RYR2: variants seen among roughly 807,000 people sequenced by gnomAD.
RYR2 encodes cardiac muscle ryanodine receptor-calcium release channel.
RYR2 carries 227 observed loss-of-function variants against 601.1 expected under a neutral mutation model. The observed-to-expected ratio is 0.38, with a 90% confidence interval of 0.34 to 0.42. The LOEUF (loss-of-function observed/expected upper bound fraction) is 0.42. RYR2 is among the 10% of genes least tolerant of loss of function. The pLI, the probability that RYR2 is intolerant of heterozygous loss-of-function variation, is 1.00. For missense variants in RYR2, 4,646 were observed against 6,156.5 expected (o/e 0.75, Z 8.21); for synonymous variants, 2,223 against 2,175.1 (o/e 1.02, Z -0.61).
At chr1:237,760,188 A>AT (rs1183982829) in intron 83 of RYR2, among the ~76,000 whole-genome samples, 2 of 149,750 alleles carry the variant, frequency 1.3e-5, no homozygotes, top group African/African-American at 2.5e-5. Context: ...CTACAAAAAG[A>AT]TTAAAAAAAA....
intron 2 of RYR2, among the ~76,000 whole-genome samples, chr1:237,279,762 A>T (rs1437179296): frequency 6.6e-6 from 1 of 152,206 alleles, no homozygotes; most frequent in East Asian, 1.9e-4. Context: ...AGGGACATTC[A>T]TTAAAAAACA....
chr1:237,224,964 G>C (rs772243220), intron 1 of RYR2, among the ~76,000 whole-genome samples: 1 of 152,234 alleles, frequency 6.6e-6, no homozygotes. Context: ...AGTTGGCAGA[G>C]AGGGATTTGA....
chr1:237,272,238 T>C (rs1380797018), intron 2 of RYR2, among the ~76,000 whole-genome samples: 2 of 151,996 alleles, frequency 1.3e-5, no homozygotes, highest in Non-Finnish European at 2.9e-5. Flanking sequence ...TAGCTAACTA[T>C]GTAAAACTCC....
Position 237,500,780 on chromosome 1 carries a change from G to C in RYR2, c.2273G>C (p.Cys758Ser), listed in dbSNP as rs576266353. The change falls in exon 21 of 105, where the codon TGT becomes TCT. Residue 758 changes from cysteine (C) to serine (S), a missense_variant. This residue lies in a region of RYR2 where 1,807 missense variants were observed against 2,088.1 expected (regional missense o/e 0.87). Coordinates refer to ENST00000366574, the MANE Select transcript of RYR2 (RefSeq NM_001035.3). ...AGAACTGATGATGTCATCAGTTGCT[G>C]TTTAGATCTGAGTGCCCCAAGCATC... is the stretch of plus-strand genomic sequence containing the variant. ...LLRTDDVISC[C>S]LDLSAPSISF... 1.9e-6 allele frequency: 3 copies of C among 1,613,976 alleles called. No homozygotes were observed. In the East Asian group the frequency reaches 6.7e-5, roughly 36 times the overall value.
chr1:237,274,226 TG>T (rs1227357757), intron 2 of RYR2, among the ~76,000 whole-genome samples: 2 of 151,164 alleles, frequency 1.3e-5, no homozygotes, highest in Non-Finnish European at 2.9e-5. Flanking sequence ...TGTGTATATA[TG>T]TATCACGTAT....
Position 237,668,196 on chromosome 1 carries a change from G to A in RYR2, c.8590+238G>A, listed in dbSNP as rs148000020. ...TACCCATTTTAGCTTACAGACTTCTGTACTTCTCATCCTGATATCTGAGTT... is the reference window on the plus strand; with the variant it reads ...TACCCATTTTAGCTTACAGACTTCTATACTTCTCATCCTGATATCTGAGTT... On this transcript the variant is annotated intron_variant, in intron 58 of 104. Transcript: ENST00000366574. 3.9e-3 allele frequency among the ~76,000 whole-genome samples: 591 copies of A among 152,136 alleles called. 3 individuals carry two copies. The highest frequency in any genetic ancestry group is 5.5e-3 in the Non-Finnish European group (375 of 67,992).
chr1:237,309,385 A>G (rs372277759), intron 2 of RYR2, among the ~76,000 whole-genome samples: 2 of 151,382 alleles, frequency 1.3e-5, no homozygotes, highest in African/African-American at 2.5e-5. Context: ...TGTATTTACA[A>G]TCCCTTAGCT....
intron 15 of RYR2, among the ~76,000 whole-genome samples, 193 bp downstream of exon 15, chr1:237,454,767 G>A (rs1483614107): frequency 3.3e-5 from 5 of 152,152 alleles, no homozygotes; most frequent in Admixed American, 2.0e-4. Flanking sequence ...CTATCCATGA[G>A]TATTAATTTA....
chr1:237,393,773 C>T (rs1702583853), intron 10 of RYR2, among the ~76,000 whole-genome samples: 1 of 152,094 alleles, frequency 6.6e-6, no homozygotes, highest in African/African-American at 2.4e-5. Context: ...CGCTTTTTAC[C>T]CCAAACTTAA....
chr1:237,332,081 T>C (rs1696800163), intron 3 of RYR2, among the ~76,000 whole-genome samples: 1 of 152,204 alleles, frequency 6.6e-6, no homozygotes, highest in Admixed American at 6.5e-5. Context: ...AAAATTTTAT[T>C]TTGCCATTAT....
In RYR2 at chr1:237,515,251, C is replaced by T. The variant is rs188354609; in HGVS notation, c.2822+3460C>T. Among the ~76,000 whole-genome samples the T allele has an allele frequency of 7.1e-4, 108 of 152,080 alleles. 1 individual carries two copies. Among genetic ancestry groups the T allele is most frequent in the African/African-American group, 2.5e-3 (102 of 41,404 alleles). ...TTCTGGTTTAGTTTTTACTATTTTCCGAATTCCAGATCTTAATTTCTGAAT... is the reference window on the plus strand; with the variant it reads ...TTCTGGTTTAGTTTTTACTATTTTCTGAATTCCAGATCTTAATTTCTGAAT... On this transcript the variant is annotated intron_variant, in intron 24 of 104. Transcript: ENST00000366574.
intron 62 of RYR2, among the ~76,000 whole-genome samples, chr1:237,686,292 G>A (rs1686386391): frequency 6.6e-6 from 1 of 152,204 alleles, no homozygotes; most frequent in Non-Finnish European, 1.5e-5. Context: ...GGTAGAGCCT[G>A]TGCTCTCTGA....
intron 1 of RYR2, among the ~76,000 whole-genome samples, chr1:237,064,682 ACT>A (rs1663308805): frequency 6.7e-6 from 1 of 150,286 alleles, no homozygotes; most frequent in Admixed American, 6.6e-5. Flanking sequence ...AGTAGGTATA[ACT>A]CTTCTGAGGT....
intron 26 of RYR2, among the ~76,000 whole-genome samples, chr1:237,549,574 A>G (rs907848270): frequency 2.0e-5 from 3 of 150,046 alleles, no homozygotes; most frequent in African/African-American, 7.4e-5. Context: ...CACAGTATTT[A>G]CAGTATTTAT....
At position 237,322,118 on chromosome 1, in the gene RYR2, C is replaced by T. The variant is rs539496878; in HGVS notation, c.169-8760C>T. On this transcript the variant is annotated intron_variant, in intron 2 of 104. Transcript: ENST00000366574. ...AACTGATACTGAGTAATTAATTTAG[C>T]TCTTGCCATTTCAAATTAATTTAGA... is the stretch of plus-strand genomic sequence containing the variant. Among the ~76,000 whole-genome samples, 15 of 152,240 alleles carry T rather than the reference C, an allele frequency of 9.9e-5. 1 individual carries two copies. In the East Asian group the frequency reaches 2.5e-3, roughly 26 times the overall value.
chr1:237,771,640 C>G (rs1694282922), intron 85 of RYR2, among the ~76,000 whole-genome samples: 1 of 151,978 alleles, frequency 6.6e-6, no homozygotes, highest in Non-Finnish European at 1.5e-5. Context: ...TTGGCTGACC[C>G]CAGCACTTTG....
At chr1:237,481,404 G>T (rs541887107) in intron 17 of RYR2, among the ~76,000 whole-genome samples, 2 of 152,164 alleles carry the variant, frequency 1.3e-5, no homozygotes, top group East Asian at 3.9e-4. Context: ...CCGGCTCAGT[G>T]GTGATTCAGT....
intron 92 of RYR2, among the ~76,000 whole-genome samples, chr1:237,789,965 G>C (rs982281758): frequency 2.0e-5 from 3 of 152,238 alleles, no homozygotes; most frequent in Admixed American, 2.0e-4. Flanking sequence ...AGCTCTGGCA[G>C]TAAAGATGGG....
chr1:237,650,410 G>A (rs893647785), intron 50 of RYR2, among the ~76,000 whole-genome samples: 1 of 152,148 alleles, frequency 6.6e-6, no homozygotes, highest in African/African-American at 2.4e-5. Context: ...CTTTAGGTGA[G>A]ATGAATAGAT....
Sources: gnomAD v4.1 joint callset for allele counts (sites outside exome capture counted in the v4.1 genomes callset) on GRCh38, gnomAD v4.1.1 for gene constraint, gnomAD v4.1.1 regional missense constraint, MANE v1.5 for transcripts, NCBI Gene and HGNC (gene_info 2026-07-23, HGNC 2026-07-21) for gene names.